Variants in KIAA1328 observed in about 807,000 individuals in gnomAD.
KIAA1328 encodes protein hinderin.
A neutral mutation model predicts 68.1 loss-of-function variants in KIAA1328; 52 were observed. The ratio of observed to expected loss-of-function variants is 0.76; its 90% CI spans 0.61 to 0.96. The LOEUF is 0.96. KIAA1328 is among the 40% of genes least tolerant of loss of function. The probability of loss-of-function intolerance (pLI) is 0.00; values close to 1 mark genes in which losing one functional copy is unlikely to be tolerated. For synonymous variants in KIAA1328, 232 were observed against 239.4 expected (o/e 0.97, Z 0.28); for missense variants, 641 against 677.6 (o/e 0.95, Z 0.60).
chr18:36,884,671 C>A (rs779196344), intron 4 of KIAA1328, among the ~76,000 whole-genome samples: 29 of 152,214 alleles, frequency 1.9e-4, no homozygotes, highest in Admixed American at 3.3e-4. Flanking sequence ...GTTTCACTTA[C>A]ACCTATTCCT....
At chr18:36,988,790 C>T (rs1210020454) in intron 6 of KIAA1328, among the ~76,000 whole-genome samples, 1 of 148,686 alleles carries the variant, frequency 6.7e-6, no homozygotes, top group Non-Finnish European at 1.5e-5. Flanking sequence ...CATGTATCAT[C>T]CTATACATAT....
chr18:36,934,433 C>T (rs1041593184), intron 5 of KIAA1328, among the ~76,000 whole-genome samples: 39 of 152,022 alleles, frequency 2.6e-4, no homozygotes, highest in African/African-American at 8.2e-4. Flanking sequence ...TAGCATTAGT[C>T]ATATCTCCTA....
At chr18:36,985,475 C>T (rs904895187) in intron 6 of KIAA1328, among the ~76,000 whole-genome samples, 5 of 151,996 alleles carry the variant, frequency 3.3e-5, no homozygotes, top group Non-Finnish European at 7.4e-5. Flanking sequence ...TATTATAAAC[C>T]TACAATATGG....
At chr18:37,169,204 C>T (rs1054104789) in intron 8 of KIAA1328, among the ~76,000 whole-genome samples, 188 of 149,448 alleles carry the variant, frequency 1.3e-3, no homozygotes, top group African/African-American at 4.1e-3. Context: ...CTGGCACTGT[C>T]GCCCGGGCTG....
chr18:36,926,966 C>G (rs2050140589), intron 5 of KIAA1328, among the ~76,000 whole-genome samples: 3 of 152,154 alleles, frequency 2.0e-5, no homozygotes, highest in Admixed American at 6.5e-5. Context: ...GTGGAAGCAA[C>G]AGCGACAATG....
intron 6 of KIAA1328, among the ~76,000 whole-genome samples, chr18:37,058,832 C>T (rs890515692): frequency 6.6e-6 from 1 of 152,080 alleles, no homozygotes; most frequent in African/African-American, 2.4e-5. Flanking sequence ...TCAGAATAGT[C>T]ATTCCCTTTG....
chr18:37,124,484 T>C lies in KIAA1328; in HGVS notation c.1233-35716T>C, dbSNP rs140844397. On this transcript the variant is annotated intron_variant, in intron 7 of 9. Transcript: ENST00000280020. ...GTGGTTTCCTGTTGACCAATTTTCCTGTTTCTACTTGTAACTCCTACAATC... is the reference window on the plus strand; with the variant it reads ...GTGGTTTCCTGTTGACCAATTTTCCCGTTTCTACTTGTAACTCCTACAATC... Among the ~76,000 whole-genome samples, 707 of 152,284 alleles carry C rather than the reference T, an allele frequency of 4.6e-3. 3 individuals are homozygous for C. Among genetic ancestry groups the C allele is most frequent in the African/African-American group, 0.016 (669 of 41,564 alleles).
chr18:36,884,581 G>A lies in KIAA1328; in HGVS notation c.333-976G>A, dbSNP rs115556527. ...GGAAAACCTATGGGATTCATGTTACGCAGAAATTGCTCTAGTAGAGTAGCG... is the reference window on the plus strand; with the variant it reads ...GGAAAACCTATGGGATTCATGTTACACAGAAATTGCTCTAGTAGAGTAGCG... On this transcript the variant is annotated intron_variant, in intron 4 of 9. Transcript: ENST00000280020. Among the ~76,000 whole-genome samples the A allele has an allele frequency of 9.1e-3, 1,392 of 152,252 alleles. 22 individuals are homozygous for A. Among genetic ancestry groups the A allele is most frequent in the African/African-American group, 0.029 (1,205 of 41,554 alleles).
rs75006400 is a variant in KIAA1328 at position 36,992,830 on chromosome 18, G to T, written c.576+33395G>T. ...AAAATTTAATAAAAACAGGCCAGGT[G>T]TGATGGCTCATGCCTGTAATCTTAG... On this transcript the variant is annotated intron_variant, in intron 6 of 9. Transcript: ENST00000280020. Among the ~76,000 whole-genome samples the T allele has an allele frequency of 3.9e-3, 598 of 152,304 alleles. 31 individuals are homozygous for T. In the East Asian group the frequency reaches 0.099, roughly 25 times the overall value.
intron 6 of KIAA1328, among the ~76,000 whole-genome samples, chr18:37,010,240 C>T (rs1022590742): frequency 1.1e-4 from 16 of 151,706 alleles, no homozygotes; most frequent in East Asian, 3.9e-4. Flanking sequence ...GTCAGAAGTT[C>T]GAGACGATTG....
intron 7 of KIAA1328, among the ~76,000 whole-genome samples, chr18:37,084,864 A>T (rs2057056377): frequency 6.6e-6 from 1 of 152,280 alleles, no homozygotes; most frequent in Middle Eastern, 3.4e-3. Context: ...TTGCTGGCCT[A>T]GCGGCTAGGT....
chr18:36,960,137 C>T (rs965866684), intron 6 of KIAA1328, among the ~76,000 whole-genome samples: 8 of 152,190 alleles, frequency 5.3e-5, no homozygotes, highest in Non-Finnish European at 1.2e-4. Flanking sequence ...TCTTAGCAAC[C>T]AGCAGACCAG....
intron 5 of KIAA1328, chr18:36,955,765 A>C: frequency 1.1e-5 from 1 of 92,328 alleles, no homozygotes; most frequent in East Asian, 4.0e-4. Context: ...CCAAAAAAGG[A>C]GAATCTTTTT....
chr18:37,128,985 G>A (rs1209069487), intron 7 of KIAA1328, among the ~76,000 whole-genome samples: 4 of 152,180 alleles, frequency 2.6e-5, no homozygotes, highest in Non-Finnish European at 4.4e-5. Context: ...ACAGATCAGT[G>A]CTTGCTAGGA....
chr18:37,052,042 A>C (rs75975269), intron 6 of KIAA1328, among the ~76,000 whole-genome samples: 2 of 138,084 alleles, frequency 1.4e-5, no homozygotes, highest in African/African-American at 5.8e-5. Context: ...ACTACGTCTC[A>C]AAAAAAAAAA....
chr18:37,139,335 A>G (rs1315364783), intron 7 of KIAA1328, among the ~76,000 whole-genome samples: 1 of 152,096 alleles, frequency 6.6e-6, no homozygotes, highest in Admixed American at 6.6e-5. Context: ...AGAAATATGA[A>G]GATTTAGTTG....
chr18:37,024,798 T>G (rs2054500668), intron 6 of KIAA1328, among the ~76,000 whole-genome samples: 1 of 152,184 alleles, frequency 6.6e-6, no homozygotes, highest in Admixed American at 6.5e-5. Context: ...TTCGGTTGGT[T>G]CCAAGTCTTT....
intron 7 of KIAA1328, among the ~76,000 whole-genome samples, chr18:37,146,773 G>T (rs190363186): frequency 2.0e-5 from 3 of 152,156 alleles, no homozygotes; most frequent in Non-Finnish European, 4.4e-5. Flanking sequence ...GCAACTTTAC[G>T]TAGAATGTAA....
chr18:37,192,309 A>C (rs1407428536), intron 9 of KIAA1328, among the ~76,000 whole-genome samples: 1 of 152,130 alleles, frequency 6.6e-6, no homozygotes, highest in Non-Finnish European at 1.5e-5. Flanking sequence ...GAAAGTGTAA[A>C]AAATTGTAAA....
Sources: gnomAD v4.1 joint callset for allele counts (sites outside exome capture counted in the v4.1 genomes callset) on GRCh38, gnomAD v4.1.1 for gene constraint, MANE v1.5 for transcripts, NCBI Gene and HGNC (gene_info 2026-07-23, HGNC 2026-07-21) for gene names.